VCL: variants seen among roughly 807,000 people sequenced by gnomAD.
The protein encoded by VCL is vinculin.
Under a neutral mutation model 125.7 loss-of-function variants are expected in VCL, and 47 were observed. That is an observed-to-expected ratio of 0.37 (90% CI 0.30 to 0.48). The LOEUF (loss-of-function observed/expected upper bound fraction) is 0.48, where lower values mean the gene tolerates loss of function less well. Among genes scored for constraint, VCL ranks in the 20% least tolerant of loss-of-function variants. VCL has a pLI of 0.99. For synonymous variants in VCL, 458 were observed against 514.6 expected, an observed-to-expected ratio of 0.89 and a Z score of 1.49; for missense variants, 1,069 against 1,455.5, an observed-to-expected ratio of 0.73 and a Z score of 4.32.
chr10:74,013,921 G>A (rs1298450349), intron 1 of VCL, among the ~76,000 whole-genome samples: 1 of 152,030 alleles, frequency 6.6e-6, no homozygotes, highest in Non-Finnish European at 1.5e-5. Context: ...AAATGTCTAA[G>A]CATAGCTTCT....
chr10:74,066,047 G>GTATATATATATATA (rs143197525), intron 2 of VCL, among the ~76,000 whole-genome samples: 198 of 133,208 alleles, frequency 1.5e-3, no homozygotes, highest in African/African-American at 3.9e-3. Context: ...ATCAATTTTG[G>GTATATATATATATA]TATATATATA....
intron 2 of VCL, among the ~76,000 whole-genome samples, chr10:74,047,448 A>T (rs192485840): frequency 5.3e-5 from 8 of 152,344 alleles, no homozygotes; most frequent in African/African-American, 1.4e-4. Context: ...GCAATTAATG[A>T]CATCCTTGGA....
chr10:74,110,940 G>A (rs1840210116), intron 18 of VCL, among the ~76,000 whole-genome samples: 1 of 152,088 alleles, frequency 6.6e-6, no homozygotes, highest in Non-Finnish European at 1.5e-5. Flanking sequence ...ATTCTTAAAT[G>A]AGCACCATTC....
chr10:74,085,917 G>C (rs1022654569), intron 8 of VCL, among the ~76,000 whole-genome samples: 4 of 152,002 alleles, frequency 2.6e-5, no homozygotes, highest in African/African-American at 9.7e-5. Context: ...GCCCAGGCTG[G>C]AGTGCAATAG....
chr10:74,035,976 G>A (rs1840968624), intron 1 of VCL, among the ~76,000 whole-genome samples: 1 of 152,150 alleles, frequency 6.6e-6, no homozygotes, highest in African/African-American at 2.4e-5. Context: ...GGGAGGATGT[G>A]TGTAAGTTAT....
chr10:74,028,069 G>GT (rs1840807740), intron 1 of VCL, among the ~76,000 whole-genome samples: 1 of 151,884 alleles, frequency 6.6e-6, no homozygotes, highest in Non-Finnish European at 1.5e-5. Context: ...AAGACTGAGG[G>GT]TTTTTTTGTT....
At chr10:74,079,445 T>A (rs1839643161) in intron 6 of VCL, among the ~76,000 whole-genome samples, 2 of 152,190 alleles carry the variant, frequency 1.3e-5, no homozygotes, top group South Asian at 4.1e-4. Flanking sequence ...CTCTCTTCTA[T>A]TTCATATCTG....
intron 2 of VCL, among the ~76,000 whole-genome samples, chr10:74,069,240 A>G (rs1199059221): frequency 2.0e-5 from 3 of 151,938 alleles, no homozygotes; most frequent in Non-Finnish European, 2.9e-5. Context: ...GGCTTTCACT[A>G]TGTTGGCCAG....
intron 10 of VCL, among the ~76,000 whole-genome samples, chr10:74,091,401 C>T (rs997583727): frequency 4.6e-5 from 7 of 152,092 alleles, no homozygotes; most frequent in African/African-American, 1.4e-4. Flanking sequence ...GGAGTAGCCA[C>T]GATCAGAATC....
At chr10:74,002,192 C>G (rs1840238578) in intron 1 of VCL, among the ~76,000 whole-genome samples, 1 of 152,176 alleles carries the variant, frequency 6.6e-6, no homozygotes. Context: ...GTGGCATGAT[C>G]TTGGCTCACC....
intron 2 of VCL, among the ~76,000 whole-genome samples, chr10:74,058,797 CT>C (rs1841428991): frequency 6.6e-6 from 1 of 152,152 alleles, no homozygotes; most frequent in African/African-American, 2.4e-5. Flanking sequence ...GATTGTTTGG[CT>C]TTAGAGTGAG....
In VCL at chr10:73,998,276, G is replaced by C. The variant is rs1591641692; in HGVS notation, c.69G>C (p.Leu23=). The C allele has an allele frequency of 1.9e-6, 3 of 1,610,826 alleles. No homozygotes were observed. The highest frequency in any genetic ancestry group is 2.5e-6 in the Non-Finnish European group (3 of 1,178,554). The part of the protein sequence containing the change: ...LEPVAQQISH[L]VIMHEEGEVD... Reference sequence around the variant, plus strand: ...CGGTGGCACAGCAGATCTCCCACCTGGTGATAATGCACGAGGAGGGCGAGG... The same window carrying C: ...CGGTGGCACAGCAGATCTCCCACCTCGTGATAATGCACGAGGAGGGCGAGG... The change falls in exon 1 of 22, where the codon CTG becomes CTC. Residue 23 remains leucine, a synonymous_variant. Coordinates refer to ENST00000211998, the MANE Select transcript of VCL (RefSeq NM_014000.3).
intron 2 of VCL, among the ~76,000 whole-genome samples, chr10:74,052,901 T>G (rs1260459341): frequency 6.7e-6 from 1 of 149,890 alleles, no homozygotes; most frequent in Non-Finnish European, 1.5e-5. Flanking sequence ...TGAACCATTC[T>G]TGCATTTCTA....
intron 15 of VCL, among the ~76,000 whole-genome samples, chr10:74,104,388 A>G (rs932824293): frequency 2.0e-5 from 3 of 152,154 alleles, no homozygotes; most frequent in Non-Finnish European, 2.9e-5. Flanking sequence ...TTTTTTAAAA[A>G]GGAGAAACCA....
intron 2 of VCL, among the ~76,000 whole-genome samples, chr10:74,064,115 C>T (rs900187438): frequency 2.0e-5 from 3 of 152,190 alleles, no homozygotes; most frequent in East Asian, 1.9e-4. Flanking sequence ...TCCCCGCTTT[C>T]GGGTTTGTTA....
chr10:73,998,666 C>T (rs951902834), intron 1 of VCL, among the ~76,000 whole-genome samples: 5 of 152,218 alleles, frequency 3.3e-5, no homozygotes, highest in Admixed American at 2.0e-4. Flanking sequence ...GTGCCTCGCG[C>T]GGCGTGTGGC....
At chr10:74,009,860 G>A (rs780753135) in intron 1 of VCL, among the ~76,000 whole-genome samples, 61 of 149,842 alleles carry the variant, frequency 4.1e-4, no homozygotes, top group Non-Finnish European at 5.8e-4. Context: ...CCACCCCCTC[G>A]GCCTCCCAAA....
chr10:74,093,823 AC>A (rs1401413729), intron 10 of VCL, among the ~76,000 whole-genome samples: 2 of 152,160 alleles, frequency 1.3e-5, no homozygotes, highest in Non-Finnish European at 2.9e-5. Context: ...ACAAACAACA[AC>A]AAAAAATTGC....
At chr10:74,089,434 T>G in intron 9 of VCL, 85 bp downstream of exon 9, 1 of 1,579,900 alleles carries the variant, frequency 6.3e-7, no homozygotes, top group Non-Finnish European at 8.6e-7. Flanking sequence ...TCTCTGTCTC[T>G]TATCATTTAC....
Sources: gnomAD v4.1 joint callset for allele counts (sites outside exome capture counted in the v4.1 genomes callset) on GRCh38, gnomAD v4.1.1 for gene constraint, MANE v1.5 for transcripts, NCBI Gene and HGNC (gene_info 2026-07-23, HGNC 2026-07-21) for gene names.